AS3MT: variants seen among roughly 807,000 people sequenced by gnomAD.
AS3MT encodes S-adenosyl-L-methionine:arsenic(III) methyltransferase.
Under a neutral mutation model 45.3 loss-of-function variants are expected in AS3MT, and 47 were observed. The observed-to-expected ratio is 1.04, with a 90% CI of 0.82 to 1.32. The LOEUF (loss-of-function observed/expected upper bound fraction) is 1.32. Among genes scored for constraint, AS3MT ranks in the 40% most tolerant of loss-of-function variants. The pLI is 0.00. For synonymous variants in AS3MT, 141 were observed against 152.8 expected (o/e 0.92, Z 0.57); for missense variants, 396 against 451.1 (o/e 0.88, Z 1.11).
At chr10:102,899,893 C>T (rs1845243614) in intron 10 of AS3MT, among the ~76,000 whole-genome samples, 1 of 152,166 alleles carries the variant, frequency 6.6e-6, no homozygotes, top group Non-Finnish European at 1.5e-5. Context: ...TCTCAAACTC[C>T]TGGCCTCAGG....
In AS3MT at chr10:102,894,921, G is replaced by A. The variant is rs558486536; in HGVS notation, c.1020+4243G>A. ...AACCAATGTACATATTATATGTATT[G>A]ATTGATGTCTTATGTCTCTCTAAAA... On this transcript the variant is annotated intron_variant, in intron 10 of 10. Coordinates refer to ENST00000369880, the MANE Select transcript of AS3MT (RefSeq NM_020682.4). Among the ~76,000 whole-genome samples the A allele has an allele frequency of 1.4e-4, 21 of 152,288 alleles. No individual in the cohort carries two copies. In the South Asian group the frequency reaches 4.3e-3, roughly 32 times the overall value.
chr10:102,895,049 T>C (rs1845140654), intron 10 of AS3MT, among the ~76,000 whole-genome samples: 1 of 152,220 alleles, frequency 6.6e-6, no homozygotes, highest in Non-Finnish European at 1.5e-5. Flanking sequence ...TCAGAATAAA[T>C]CTTTTTAAGT....
rs1845055486 is a variant in AS3MT at position 102,890,672 on chromosome 10, G to A, written c.1014G>A (p.Glu338=). 1.2e-6 allele frequency: 2 copies of A among 1,607,806 alleles called. No individual in the cohort carries two copies. Among genetic ancestry groups the A allele is most frequent in the Admixed American group, 3.4e-5 (2 of 58,046 alleles). The change falls in exon 10 of 11, where the codon GAG becomes GAA. Residue 338 remains glutamate (E), a synonymous_variant. Coordinates refer to ENST00000369880, the MANE Select transcript of AS3MT (RefSeq NM_020682.4). ...CATCTGGAGGCTGTTCTGCTTTGGA[G>A]TTAAAGGTTAGTTTGGCTTTCACTA... ...LPTSGGCSAL[E]LKDIITDPFK... is the part of the protein sequence containing the mutation.
chr10:102,894,141 C>A (rs1845122210), intron 10 of AS3MT, among the ~76,000 whole-genome samples: 1 of 151,806 alleles, frequency 6.6e-6, no homozygotes, highest in Admixed American at 6.6e-5. Context: ...AAATAAAATT[C>A]TAGGCCGGGC....
At chr10:102,894,909 A>T (rs1457799868) in intron 10 of AS3MT, among the ~76,000 whole-genome samples, 90 of 152,150 alleles carry the variant, frequency 5.9e-4, no homozygotes. Flanking sequence ...CAATGTACAT[A>T]TTATATGTAT....
In AS3MT at chr10:102,889,614, G is replaced by GCCTTCCTTCCTTCCTT. The variant is rs1554884643; in HGVS notation, c.886-913_886-898dup. ...CTTCCCTTCCCCTGCCTGTCTGCCT[G>GCCTTCCTTCCTTCCTT]CCTTCCTTCCTTCCTTCCTTCCTTC... is the stretch of plus-strand genomic sequence containing the variant. On this transcript the variant is annotated intron_variant, in intron 9 of 10. Transcript: ENST00000369880. Among the ~76,000 whole-genome samples the GCCTTCCTTCCTTCCTT allele has an allele frequency of 1.4e-3, 154 of 114,048 alleles. 1 individual carries two copies. The highest frequency in any genetic ancestry group is 8.9e-3 in the East Asian group (26 of 2,928). 74.8% of individuals were successfully genotyped at this position (114,048 alleles called of 152,430 possible).
At chr10:102,871,445 G>A (rs1324743468) in intron 3 of AS3MT, among the ~76,000 whole-genome samples, 1 of 150,772 alleles carries the variant, frequency 6.6e-6, no homozygotes, top group Non-Finnish European at 1.5e-5. Context: ...TGCTGGGGAG[G>A]CTGAGGCAGG....
chr10:102,884,483 T>C (rs1294554442), intron 9 of AS3MT, among the ~76,000 whole-genome samples: 2 of 138,750 alleles, frequency 1.4e-5, no homozygotes, highest in African/African-American at 2.6e-5. Flanking sequence ...ATTCCACATA[T>C]AATCTAGCGA....
At chr10:102,876,576 C>G (rs1271887574) in intron 6 of AS3MT, among the ~76,000 whole-genome samples, 4 of 152,228 alleles carry the variant, frequency 2.6e-5, no homozygotes, top group Admixed American at 2.6e-4. Flanking sequence ...TCATACCTGG[C>G]AAAGTTATAC....
chr10:102,874,576 A>G lies in AS3MT; in HGVS notation c.459-16A>G, dbSNP rs1465163730. The stretch of plus-strand genomic sequence containing the variant: ...GTTGTGAAGATTTGCTCGACATTTC[A>G]TCTGTTCTCTTTTAGATCAAACTGT... On this transcript the variant is annotated splice_polypyrimidine_tract_variant and intron_variant, in intron 5 of 10. Transcript: ENST00000369880. 2 of 1,571,352 alleles carry G rather than the reference A, an allele frequency of 1.3e-6. No individual in the cohort carries two copies. The highest frequency in any genetic ancestry group is 1.4e-5 in the African/African-American group (1 of 73,590).
chr10:102,878,894 C>T lies in AS3MT; in HGVS notation c.788C>T (p.Ser263Phe). 6.2e-7 allele frequency: 1 copy of T among 1,614,032 alleles called. No homozygotes were observed. Among genetic ancestry groups the T allele is most frequent in the Non-Finnish European group, 8.5e-7 (1 of 1,179,974 alleles). ...VSATFRLFKH[S>F]KTGPTKRCQV... is the part of the protein sequence containing the mutation. ...GCAACATTTCGCCTCTTCAAACACT[C>T]TAAGACAGGACCAACCAAGAGATGC... is the stretch of plus-strand genomic sequence containing the variant. Residue 263 changes from serine to phenylalanine, a missense_variant, in exon 9 of 11, where the codon TCT becomes TTT. By Grantham distance (155) the Ser-to-Phe change is radical. Coordinates refer to ENST00000369880, the MANE Select transcript of AS3MT (RefSeq NM_020682.4).
chr10:102,900,170 G>T (rs563975001), intron 10 of AS3MT, among the ~76,000 whole-genome samples: 1 of 152,340 alleles, frequency 6.6e-6, no homozygotes, highest in East Asian at 1.9e-4. Context: ...ATCAGCAATT[G>T]CTAGTGACAG....
intron 6 of AS3MT, among the ~76,000 whole-genome samples, chr10:102,875,767 C>T (rs916592982): frequency 3.9e-5 from 6 of 151,952 alleles, no homozygotes; most frequent in South Asian, 4.2e-4. Flanking sequence ...GGACTACAGG[C>T]GTGTGCCACC....
rs1243940350 is a variant in AS3MT, at chr10:102,888,872, TATATA to T, written c.886-1671_886-1667del. Among the ~76,000 whole-genome samples, 552 of 77,338 alleles carry T rather than the reference TATATA, an allele frequency of 7.1e-3. 4 individuals are homozygous for T. The highest frequency in any genetic ancestry group is 0.017 in the African/African-American group (353 of 21,086). 50.7% of individuals were successfully genotyped at this position (77,338 alleles called of 152,430 possible). A position where few individuals can be genotyped will look rare whatever the true frequency, so the allele number is the denominator to read the frequency against. On this transcript the variant is annotated intron_variant, in intron 9 of 10. Transcript: ENST00000369880. ...AACCCTATATATATATATATATATA[TATATA>T]TATATTTTTTTTTTTTTTTTTGAGA... is the stretch of plus-strand genomic sequence containing the variant.
chr10:102,876,818 A>G, intron 6 of AS3MT, 136 bp from the exon 7 acceptor site: 1 of 831,422 alleles, frequency 1.2e-6, no homozygotes, highest in Non-Finnish European at 1.9e-6. Context: ...GGCAGCTGCT[A>G]TTTGTTCACA....
At chr10:102,895,060 A>G (rs1845140777) in intron 10 of AS3MT, among the ~76,000 whole-genome samples, 1 of 152,186 alleles carries the variant, frequency 6.6e-6, no homozygotes, top group Non-Finnish European at 1.5e-5. Flanking sequence ...CTTTTTAAGT[A>G]TTTTAGAGTT....
chr10:102,881,337 C>A lies in AS3MT; in HGVS notation c.885+2346C>A, dbSNP rs2134117916. Among the ~76,000 whole-genome samples, 1 of 152,332 alleles carries A rather than the reference C, an allele frequency of 6.6e-6. No homozygotes were observed. Among genetic ancestry groups the A allele is most frequent in the East Asian group, 1.9e-4 (1 of 5,190 alleles). On this transcript the variant is annotated intron_variant, in intron 9 of 10. Coordinates refer to ENST00000369880, the MANE Select transcript of AS3MT (RefSeq NM_020682.4). The surrounding 1 kb of genome is among the most constrained non-coding windows in gnomAD (Gnocchi z 4.2). ...GAAAAGTTAAGGTGAATGATCCAAGCTGACTTGATTACTGAATCCAGAACA... is the reference window on the plus strand; with the variant it reads ...GAAAAGTTAAGGTGAATGATCCAAGATGACTTGATTACTGAATCCAGAACA...
intron 9 of AS3MT, among the ~76,000 whole-genome samples, chr10:102,885,357 C>CT: frequency 6.6e-6 from 1 of 151,788 alleles, no homozygotes; most frequent in South Asian, 2.1e-4. Flanking sequence ...GAGACAGAGT[C>CT]TTACTCTGTC....
At chr10:102,877,748 CTTTT>C (rs751685577) in intron 7 of AS3MT, among the ~76,000 whole-genome samples, 1 of 105,230 alleles carries the variant, frequency 9.5e-6, no homozygotes. Context: ...GTGATAACTT[CTTTT>C]TTTTTTTTTT....
Sources: gnomAD v4.1 joint callset for allele counts (sites outside exome capture counted in the v4.1 genomes callset) on GRCh38, gnomAD v4.1.1 for gene constraint, Gnocchi (gnomAD v3.1) non-coding constraint, MANE v1.5 for transcripts, NCBI Gene and HGNC (gene_info 2026-07-23, HGNC 2026-07-21) for gene names.